The following PGAP6 variants were observed in gnomAD, a reference collection of about 807,000 sequenced individuals.
PGAP6 encodes post-GPI attachment to proteins 6.
PGAP6 carries 62 observed loss-of-function variants against 68.4 expected under a neutral mutation model. That is an observed-to-expected ratio of 0.91 (90% confidence interval 0.74 to 1.12). PGAP6 has a LOEUF of 1.12. Ranked by LOEUF, PGAP6 falls within the 50% of genes most tolerant of loss-of-function variation. PGAP6 has a pLI of 0.00. For missense variants in PGAP6, 1,188 were observed against 1,068.5 expected, an observed-to-expected ratio of 1.11 and a Z score of -1.56; for synonymous variants, 575 against 474.0, an observed-to-expected ratio of 1.21 and a Z score of -2.77.
chr16:374,274 G>A lies in PGAP6; in HGVS notation c.1702C>T (p.Arg568Ter), dbSNP rs755797815. Residue 568 changes from arginine (R) to a stop codon, truncating the protein, a stop_gained, in exon 10 of 13, where the codon CGA (arginine) becomes TGA (stop). Coordinates refer to ENST00000431232, the MANE Select transcript of PGAP6 (RefSeq NM_021259.3). LOFTEE classifies it high-confidence loss of function. ...ACGGAGGCCTCCACCAGGAAGAATC[G>A]CCGCACTGAGACGGCGATGGGGGCC... The part of the protein sequence containing the change: ...FLAPIAVSVR[R>*]FFLVEASVYA... 1.2e-5 allele frequency: 20 copies of A among 1,607,526 alleles called. No homozygotes were observed. The Admixed American group carries it at 1.3e-4, about 11-fold the overall frequency.
chr16:380,392 A>G, intron 1 of PGAP6, among the ~76,000 whole-genome samples: 1 of 145,862 alleles, frequency 6.9e-6, no homozygotes. Context: ...TTTGAGATGG[A>G]GTCTCGCTCT....
chr16:373,886 G>A (rs988324383), intron 11 of PGAP6, 119 bp downstream of exon 11: 9 of 1,276,632 alleles, frequency 7.0e-6, no homozygotes, highest in Non-Finnish European at 9.5e-6. Flanking sequence ...CGAGATGTGA[G>A]GTTTCCAGGG....
upstream of PGAP6, chr16:384,323 G>A (rs1181998462): frequency 1.3e-5 from 2 of 152,198 alleles, no homozygotes; most frequent in African/African-American, 4.8e-5. Context: ...GAACTTGAAG[G>A]TGGGTAAGAA....
At chr16:379,895 A>G (rs1317303257) in intron 1 of PGAP6, among the ~76,000 whole-genome samples, 1 of 152,198 alleles carries the variant, frequency 6.6e-6, no homozygotes, top group African/African-American at 2.4e-5. Context: ...GGCCAGCTAC[A>G]CAGCCCCCTG....
Position 372,012 on chromosome 16 carries a change from C to T in PGAP6, c.2291G>A (p.Arg764Gln), listed in dbSNP as rs750500500. The change falls in exon 13 of 13, where the codon CGG (arginine) becomes CAG (glutamine). Residue 764 changes from arginine to glutamine, a missense_variant. Physicochemically the swap from Arg to Gln is conservative, Grantham distance 43. Coordinates refer to ENST00000431232, the MANE Select transcript of PGAP6 (RefSeq NM_021259.3). ...TCACGTCACTGCGTACAGTTCCTCC[C>T]GATCGTTCTTGCAGATCTGATAGTG... is the stretch of plus-strand genomic sequence containing the variant. The part of the protein sequence containing the change: ...PCHYQICKND[R>Q]EELYAVT 9.9e-6 allele frequency: 16 copies of T among 1,612,450 alleles called. No individual in the cohort carries two copies. Among genetic ancestry groups the T allele is most frequent in the African/African-American group, 2.7e-5 (2 of 74,912 alleles).
intron 6 of PGAP6, 132 bp from the exon 7 acceptor site, chr16:375,567 C>G (rs946409315): frequency 7.9e-5 from 59 of 744,144 alleles, no homozygotes; most frequent in Non-Finnish European, 7.9e-5. Flanking sequence ...GAGTCTTGCT[C>G]TGTCGCCCAG....
At chr16:386,316 C>T (rs1054964078), upstream of PGAP6, among the ~76,000 whole-genome samples, 3 of 152,048 alleles carry the variant, frequency 2.0e-5, no homozygotes, top group Non-Finnish European at 2.9e-5. Context: ...TTCCTGTGTG[C>T]AAGACTGTGT....
chr16:372,876 C>G, intron 11 of PGAP6, 149 bp from the exon 12 acceptor site: 1 of 611,638 alleles, frequency 1.6e-6, no homozygotes, highest in Non-Finnish European at 2.9e-6. Context: ...CTCTGACTAG[C>G]TCTGCCAGCC....
upstream of PGAP6, chr16:386,729 A>ACC: frequency 1.4e-5 from 4 of 292,116 alleles, no homozygotes; most frequent in South Asian, 6.1e-5. Flanking sequence ...AAAAAACCAA[A>ACC]AAAAAAAAAA....
chr16:373,996 G>T lies in PGAP6; in HGVS notation c.1902+9C>A. On this transcript the variant is annotated intron_variant, in intron 11 of 12. Transcript: ENST00000431232. ...CCGGAGCCCACACCCCACGTCGAGG[G>T]CCACTCACGTATTTCAGGACTGTCT... 6.2e-7 allele frequency: 1 copy of T among 1,601,440 alleles called. No homozygotes were observed.
At chr16:374,721 C>T (rs762589520) in intron 9 of PGAP6, 35 bp downstream of exon 9, 7 of 1,609,250 alleles carry the variant, frequency 4.3e-6, no homozygotes, top group Non-Finnish European at 5.9e-6. Context: ...CCAACAGCAG[C>T]AGCGTCTCGG....
chr16:380,668 G>C (rs1232887309), intron 1 of PGAP6, among the ~76,000 whole-genome samples: 1 of 152,204 alleles, frequency 6.6e-6, no homozygotes, highest in Non-Finnish European at 1.5e-5. Flanking sequence ...CCTGGCCATG[G>C]AGCAATTTAA....
intron 7 of PGAP6, 40 bp from the exon 8 acceptor site, chr16:375,296 G>A (rs775990343): frequency 1.9e-6 from 3 of 1,612,540 alleles, no homozygotes; most frequent in African/African-American, 2.7e-5. Flanking sequence ...GGAGGCCGGG[G>A]CGGGGGGCTG....
intron 6 of PGAP6, 102 bp from the exon 7 acceptor site, chr16:375,537 T>C (rs2054374908): frequency 4.2e-6 from 4 of 962,546 alleles, no homozygotes; most frequent in African/African-American, 3.3e-5. Flanking sequence ...GCCTTTCTTT[T>C]TTTTTTTTTT....
At chr16:380,084 G>A (rs559858547) in intron 1 of PGAP6, among the ~76,000 whole-genome samples, 7 of 152,288 alleles carry the variant, frequency 4.6e-5, no homozygotes, top group African/African-American at 1.7e-4. Context: ...TCCTCGGCAG[G>A]CTGGGAGGAG....
At chr16:378,113 C>T (rs982396559) in intron 1 of PGAP6, among the ~76,000 whole-genome samples, 1 of 152,080 alleles carries the variant, frequency 6.6e-6, no homozygotes, top group African/African-American at 2.4e-5. Context: ...CAGCAGCTTC[C>T]AAACAAGCCG....
chr16:378,450 C>T lies in PGAP6; in HGVS notation c.122-602G>A, dbSNP rs1326261573. Among the ~76,000 whole-genome samples the T allele has an allele frequency of 2.0e-4, 22 of 112,648 alleles. 4 individuals are homozygous for T. Among genetic ancestry groups the T allele is most frequent in the African/African-American group, 2.3e-4 (6 of 26,322 alleles). 73.9% of individuals were successfully genotyped at this position (112,648 alleles called of 152,430 possible). Reference sequence around the variant, plus strand: ...CTGCCATCCCCACCCGCACTGCCATCGCCACCCACACTGCCATCGCCACCC... The same window carrying T: ...CTGCCATCCCCACCCGCACTGCCATTGCCACCCACACTGCCATCGCCACCC... On this transcript the variant is annotated intron_variant, in intron 1 of 12. Coordinates refer to ENST00000431232, the MANE Select transcript of PGAP6 (RefSeq NM_021259.3).
intron 3 of PGAP6, 24 bp from the exon 4 acceptor site, chr16:377,188 G>T (rs201071714): frequency 6.2e-7 from 1 of 1,612,366 alleles, no homozygotes; most frequent in Admixed American, 1.7e-5. Context: ...AGGTGTGGGC[G>T]GGGGCGGTGT....
At chr16:386,711 C>CAAAAAAAAAAAAAA, upstream of PGAP6, 1 of 198,210 alleles carries the variant, frequency 5.0e-6, no homozygotes, top group South Asian at 3.0e-5. Context: ...CCAGTCTCTA[C>CAAAAAAAAAAAAAA]AAAAAAAAAA....
Sources: allele counts gnomAD v4.1 joint callset (sites outside exome capture counted in the v4.1 genomes callset), GRCh38; gene constraint gnomAD v4.1.1; transcripts MANE v1.5; gene names NCBI Gene and HGNC (gene_info 2026-07-23, HGNC 2026-07-21).